Variants in DAPK1 observed in about 807,000 individuals in gnomAD.
DAPK1 encodes death associated protein kinase 1.
In DAPK1, 56 loss-of-function variants were observed where a neutral mutation model predicts 144.9. The ratio of observed to expected loss-of-function variants is 0.39; its 90% CI spans 0.31 to 0.48. The LOEUF (loss-of-function observed/expected upper bound fraction) is 0.48, where lower values mean the gene tolerates loss of function less well. DAPK1 is among the 20% of genes least tolerant of loss of function. The probability of loss-of-function intolerance (pLI) is 0.95; values close to 1 mark genes in which losing one functional copy is unlikely to be tolerated. For missense variants in DAPK1, 1,454 were observed against 1,875.4 expected (o/e 0.78, Z 4.15); for synonymous variants, 690 against 749.0 (o/e 0.92, Z 1.29).
intron 14 of DAPK1, among the ~76,000 whole-genome samples, chr9:87,648,112 AG>A (rs1830330616): frequency 6.6e-6 from 1 of 152,222 alleles, no homozygotes; most frequent in South Asian, 2.1e-4. Context: ...ACCATATCTG[AG>A]GGGTAACATT....
At chr9:87,635,212 C>T (rs1829848710) in intron 3 of DAPK1, among the ~76,000 whole-genome samples, 1 of 151,994 alleles carries the variant, frequency 6.6e-6, no homozygotes, top group Non-Finnish European at 1.5e-5. Flanking sequence ...AAGCCTGAGG[C>T]CAGGGCAGCA....
intron 3 of DAPK1, among the ~76,000 whole-genome samples, chr9:87,611,138 C>T (rs1253618910): frequency 6.6e-6 from 1 of 152,122 alleles, no homozygotes; most frequent in Non-Finnish European, 1.5e-5. Flanking sequence ...ATGGGAAGGG[C>T]AAGATGCACA....
At chr9:87,507,485 A>C (rs1277422436) in intron 2 of DAPK1, among the ~76,000 whole-genome samples, 1 of 152,190 alleles carries the variant, frequency 6.6e-6, no homozygotes, top group African/African-American at 2.4e-5. Context: ...GATTACAGGC[A>C]TGAGCCACCG....
chr9:87,565,157 C>T (rs951515577), intron 2 of DAPK1, among the ~76,000 whole-genome samples: 2 of 152,180 alleles, frequency 1.3e-5, no homozygotes, highest in Non-Finnish European at 2.9e-5. Flanking sequence ...ACCACCACAG[C>T]TCCTTGGTGA....
intron 2 of DAPK1, among the ~76,000 whole-genome samples, chr9:87,540,549 A>C (rs7046117): frequency 6.6e-6 from 1 of 152,124 alleles, no homozygotes; most frequent in African/African-American, 2.4e-5. Flanking sequence ...AGGTCTGTAT[A>C]TATAGGAAGA....
chr9:87,565,453 A>G (rs971795279), intron 2 of DAPK1, among the ~76,000 whole-genome samples: 4 of 152,178 alleles, frequency 2.6e-5, no homozygotes, highest in African/African-American at 9.7e-5. Context: ...GGTTGGGGAA[A>G]GTAAAGCCAG....
intron 2 of DAPK1, among the ~76,000 whole-genome samples, chr9:87,513,382 G>A (rs1824924882): frequency 6.6e-6 from 1 of 152,212 alleles, no homozygotes; most frequent in Non-Finnish European, 1.5e-5. Context: ...GTTCAGCCAA[G>A]GAGAGCGTTT....
intron 2 of DAPK1, among the ~76,000 whole-genome samples, chr9:87,579,147 A>G (rs1827661136): frequency 1.3e-5 from 2 of 152,124 alleles, no homozygotes; most frequent in Admixed American, 6.5e-5. Context: ...CTCCCCACTG[A>G]TGCACACATT....
intron 2 of DAPK1, among the ~76,000 whole-genome samples, chr9:87,569,622 A>G (rs1215510579): frequency 6.6e-6 from 1 of 152,206 alleles, no homozygotes; most frequent in South Asian, 2.1e-4. Flanking sequence ...CTGATAGGCC[A>G]TGTTTTTCAA....
intron 19 of DAPK1, among the ~76,000 whole-genome samples, chr9:87,670,554 A>C (rs1033098867): frequency 6.6e-6 from 1 of 152,152 alleles, no homozygotes; most frequent in African/African-American, 2.4e-5. Context: ...AGGTGTGCTC[A>C]GGTTTCCACA....
At chr9:87,687,496 G>C (rs560843412) in intron 21 of DAPK1, among the ~76,000 whole-genome samples, 27 of 152,286 alleles carry the variant, frequency 1.8e-4, no homozygotes, top group African/African-American at 4.6e-4. Context: ...TGCATAAATA[G>C]TGTTCTGTTA....
At position 87,645,934 on chromosome 9, in the gene DAPK1, G is replaced by A; in HGVS notation, c.1051G>A (p.Ala351Thr). 6.2e-7 allele frequency: 1 copy of A among 1,614,082 alleles called. No individual in the cohort carries two copies. The highest frequency in any genetic ancestry group is 8.5e-7 in the Non-Finnish European group (1 of 1,179,976). ...CTTTGTGATGAAAGCCATCATCCAT[G>A]CCATCAACGATGACAATGTCCCAGG... ...DSFVMKAIIH[A>T]INDDNVPGLQ... The change falls in exon 12 of 26, where the codon GCC becomes ACC. Residue 351 changes from alanine (A) to threonine (T), a missense_variant. Physicochemically the swap from Ala to Thr is moderately conservative, Grantham distance 58. Around this residue, in one of 2 missense-constraint regions of DAPK1, gnomAD observed 429 missense variants for 637.5 expected, o/e 0.67. Transcript: ENST00000408954.
chr9:87,659,364 C>T (rs1325994871), intron 18 of DAPK1, among the ~76,000 whole-genome samples: 1 of 152,200 alleles, frequency 6.6e-6, no homozygotes, highest in African/African-American at 2.4e-5. Context: ...CTGTGCCTGA[C>T]TTGCTAGATC....
intron 3 of DAPK1, among the ~76,000 whole-genome samples, chr9:87,620,185 G>A (rs1394294907): frequency 2.0e-5 from 3 of 152,012 alleles, no homozygotes; most frequent in Non-Finnish European, 4.4e-5. Flanking sequence ...GTGCCCCTCC[G>A]CTCGTGCCCC....
At chr9:87,512,318 G>T (rs1824878954) in intron 2 of DAPK1, among the ~76,000 whole-genome samples, 1 of 152,096 alleles carries the variant, frequency 6.6e-6, no homozygotes. Flanking sequence ...ATGGAGAAAG[G>T]AGTCTGAGAT....
intron 2 of DAPK1, among the ~76,000 whole-genome samples, chr9:87,590,259 A>T (rs77260169): frequency 0.027 from 4,079 of 151,834 alleles, 184 homozygotes; most frequent in African/African-American, 0.093. Flanking sequence ...TCGAATTTTT[A>T]AAAAAAATAC....
chr9:87,691,459 CT>C (rs1470670988), intron 21 of DAPK1, among the ~76,000 whole-genome samples: 3 of 151,644 alleles, frequency 2.0e-5, no homozygotes, highest in African/African-American at 7.3e-5. Context: ...TTCATCAGTT[CT>C]TTGTATTTTT....
intron 2 of DAPK1, among the ~76,000 whole-genome samples, chr9:87,559,784 GA>G (rs1383077719): frequency 6.6e-6 from 1 of 152,100 alleles, no homozygotes; most frequent in Non-Finnish European, 1.5e-5. Context: ...CCGGGTGTTG[GA>G]AAGGACTCTG....
chr9:87,525,226 C>T (rs1050663878), intron 2 of DAPK1: 1 of 1,005,784 alleles, frequency 9.9e-7, no homozygotes, highest in Non-Finnish European at 1.6e-6. Flanking sequence ...TTTCACCCTA[C>T]CCAATGCAGT....
Sources: gnomAD v4.1 joint callset for allele counts (sites outside exome capture counted in the v4.1 genomes callset) on GRCh38, gnomAD v4.1.1 for gene constraint, gnomAD v4.1.1 regional missense constraint, MANE v1.5 for transcripts, NCBI Gene and HGNC (gene_info 2026-07-23, HGNC 2026-07-21) for gene names.